Variants in DGKG observed in about 807,000 individuals in gnomAD.
The protein encoded by DGKG is DAG kinase gamma.
DGKG carries 78 observed loss-of-function variants against 105.3 expected under a neutral mutation model. That is an observed-to-expected ratio of 0.74 (90% CI 0.62 to 0.89). The LOEUF (loss-of-function observed/expected upper bound fraction) is 0.89, where lower values mean the gene tolerates loss of function less well. Ranked by LOEUF, DGKG falls within the 40% of genes least tolerant of loss-of-function variation. The pLI is 0.00. For synonymous variants in DGKG, 346 were observed against 367.1 expected (o/e 0.94, Z 0.66); for missense variants, 958 against 1,020.1 (o/e 0.94, Z 0.83).
intron 1 of DGKG, among the ~76,000 whole-genome samples, chr3:186,355,983 C>A (rs1257394652): frequency 6.6e-6 from 1 of 152,142 alleles, no homozygotes. Context: ...AAAATTGCTT[C>A]TTTGACAAGA....
intron 18 of DGKG, 134 bp downstream of exon 18, chr3:186,252,959 G>C: frequency 1.4e-6 from 1 of 723,110 alleles, no homozygotes; most frequent in South Asian, 1.7e-5. Context: ...TCATGGACTT[G>C]ACATGACTGC....
chr3:186,194,985 A>G (rs2108506126), intron 21 of DGKG, among the ~76,000 whole-genome samples: 1 of 152,110 alleles, frequency 6.6e-6, no homozygotes, highest in African/African-American at 2.4e-5. Context: ...GACGCCTGTA[A>G]TCTCAGCTAC....
Position 186,257,936 on chromosome 3 carries a change from C to T in DGKG, c.1428G>A (p.Leu476=). ...AGTCTGGAGTATCACGGAAAAAGTTCAACCTGGGAAGAAGAAGAAAGGCCA... is the reference window on the plus strand; with the variant it reads ...AGTCTGGAGTATCACGGAAAAAGTTTAACCTGGGAAGAAGAAGAAAGGCCA... ...NLDNGGPTPG[L]NFFRDTPDFR... Residue 476 remains leucine, a synonymous_variant, in exon 17 of 25, where the codon TTG becomes TTA. Transcript: ENST00000265022. 2.5e-6 allele frequency: 4 copies of T among 1,613,970 alleles called. No individual in the cohort carries two copies. The highest frequency in any genetic ancestry group is 3.4e-6 in the Non-Finnish European group (4 of 1,179,862).
chr3:186,299,575 A>C lies in DGKG; in HGVS notation c.145-1346T>G, dbSNP rs748875954. Among the ~76,000 whole-genome samples the C allele has an allele frequency of 9.4e-4, 143 of 152,278 alleles. 4 individuals are homozygous for C. The highest frequency in any genetic ancestry group is 2.2e-4 in the Non-Finnish European group (15 of 68,026). ...ATGGTGGACTCACATTTCTTGTGAC[A>C]GCTACCCATCTCTCTGTTCCTTTTC... On this transcript the variant is annotated intron_variant, in intron 3 of 24. Transcript: ENST00000265022.
At chr3:186,152,097 TAAA>T (rs1423691509) in intron 24 of DGKG, among the ~76,000 whole-genome samples, 1 of 150,364 alleles carries the variant, frequency 6.7e-6, no homozygotes, top group Admixed American at 6.6e-5. Flanking sequence ...AAAATAAAAA[TAAA>T]GGGCTCCAGG....
At chr3:186,178,692 CAG>C (rs766738807) in intron 22 of DGKG, among the ~76,000 whole-genome samples, 13 of 152,182 alleles carry the variant, frequency 8.5e-5, no homozygotes, top group Non-Finnish European at 1.3e-4. Flanking sequence ...CAGCTGGAGT[CAG>C]AGTCTTCTTC....
intron 24 of DGKG, among the ~76,000 whole-genome samples, chr3:186,152,953 C>T (rs953016495): frequency 9.1e-4 from 127 of 138,888 alleles, no homozygotes; most frequent in Admixed American, 3.2e-3. Context: ...CCAGCTGCCG[C>T]GCCCGGCCTT....
At chr3:186,219,477 G>C (rs1719461037) in intron 20 of DGKG, among the ~76,000 whole-genome samples, 1 of 152,240 alleles carries the variant, frequency 6.6e-6, no homozygotes, top group Non-Finnish European at 1.5e-5. Flanking sequence ...AAATCAGGAA[G>C]GAGGCTTTAT....
chr3:186,348,888 T>C (rs1726489928), intron 1 of DGKG, among the ~76,000 whole-genome samples: 1 of 152,190 alleles, frequency 6.6e-6, no homozygotes, highest in Non-Finnish European at 1.5e-5. Context: ...TACCAACAGA[T>C]TTTTTCTTAT....
chr3:186,243,979 C>A (rs1324305564), intron 19 of DGKG, among the ~76,000 whole-genome samples: 1 of 141,842 alleles, frequency 7.1e-6, no homozygotes, highest in Non-Finnish European at 1.5e-5. Context: ...TCACTGCAAC[C>A]TCTGCCTCCC....
chr3:186,287,327 G>T (rs1017216667), intron 6 of DGKG, among the ~76,000 whole-genome samples: 2 of 152,146 alleles, frequency 1.3e-5, no homozygotes, highest in Non-Finnish European at 2.9e-5. Flanking sequence ...AATATTTACA[G>T]ATTATATGAT....
At chr3:186,267,301 G>A (rs1722101704) in intron 13 of DGKG, among the ~76,000 whole-genome samples, 2 of 152,124 alleles carry the variant, frequency 1.3e-5, no homozygotes, top group Admixed American at 1.3e-4. Context: ...GGGTACTCGG[G>A]GTGGTCAGCA....
At chr3:186,243,610 T>C (rs537433593) in intron 19 of DGKG, among the ~76,000 whole-genome samples, 32 of 152,116 alleles carry the variant, frequency 2.1e-4, no homozygotes, top group Middle Eastern at 3.4e-3. Context: ...CCCTCGACAA[T>C]GGTCTCATTT....
intron 1 of DGKG, among the ~76,000 whole-genome samples, chr3:186,337,287 C>A (rs115430012): frequency 0.027 from 4,151 of 152,098 alleles, 197 homozygotes; most frequent in African/African-American, 0.095. Context: ...TAAGGCAAGA[C>A]TGGGTCAATG....
chr3:186,225,299 C>T (rs561913884), intron 20 of DGKG, among the ~76,000 whole-genome samples: 1 of 151,964 alleles, frequency 6.6e-6, no homozygotes, highest in Non-Finnish European at 1.5e-5. Flanking sequence ...ATCTAGGAAC[C>T]CTTTGTCAAT....
intron 10 of DGKG, among the ~76,000 whole-genome samples, chr3:186,273,723 C>A (rs931441684): frequency 1.6e-4 from 24 of 152,092 alleles, no homozygotes; most frequent in African/African-American, 5.3e-4. Flanking sequence ...GGACAGCGGG[C>A]CCAGCTCTGC....
chr3:186,335,812 A>G (rs144761910), intron 1 of DGKG, among the ~76,000 whole-genome samples: 89 of 152,326 alleles, frequency 5.8e-4, no homozygotes, highest in Middle Eastern at 3.4e-3. Context: ...TATTATTTCC[A>G]CAAGATTTCA....
At chr3:186,278,719 C>G (rs1432492398) in intron 9 of DGKG, among the ~76,000 whole-genome samples, 2 of 152,138 alleles carry the variant, frequency 1.3e-5, no homozygotes, top group Non-Finnish European at 2.9e-5. Flanking sequence ...AGCTTTAGTC[C>G]TGAATTGCAG....
At chr3:186,288,212 G>A (rs1325436336) in intron 6 of DGKG, among the ~76,000 whole-genome samples, 1 of 152,172 alleles carries the variant, frequency 6.6e-6, no homozygotes, top group African/African-American at 2.4e-5. Context: ...GGGTGGCGGG[G>A]GGGCATAGGT....
Sources: gnomAD v4.1 joint callset for allele counts (sites outside exome capture counted in the v4.1 genomes callset) on GRCh38, gnomAD v4.1.1 for gene constraint, MANE v1.5 for transcripts, NCBI Gene and HGNC (gene_info 2026-07-23, HGNC 2026-07-21) for gene names.